CACNA2D3: variants seen among roughly 807,000 people sequenced by gnomAD.
The protein encoded by CACNA2D3 is voltage-dependent calcium channel subunit alpha-2/delta-3.
A neutral mutation model predicts 160.6 loss-of-function variants in CACNA2D3; 60 were observed. The observed-to-expected ratio is 0.37, with a 90% confidence interval of 0.30 to 0.46. The LOEUF (loss-of-function observed/expected upper bound fraction) is 0.46, where lower values mean the gene tolerates loss of function less well. Among genes scored for constraint, CACNA2D3 ranks in the 20% least tolerant of loss-of-function variants. The pLI is 1.00. For missense variants in CACNA2D3, 1,205 were observed against 1,365.0 expected (o/e 0.88, Z 1.85); for synonymous variants, 558 against 492.9 (o/e 1.13, Z -1.75).
At chr3:54,210,975 T>A (rs2107362325) in intron 2 of CACNA2D3, among the ~76,000 whole-genome samples, 1 of 152,326 alleles carries the variant, frequency 6.6e-6, no homozygotes, top group Non-Finnish European at 1.5e-5. Context: ...ATTGTTTAAC[T>A]TTTAAAAGAG....
chr3:54,722,854 G>T (rs1200513325), intron 11 of CACNA2D3, among the ~76,000 whole-genome samples: 1 of 152,174 alleles, frequency 6.6e-6, no homozygotes, highest in African/African-American at 2.4e-5. Context: ...GTGTCTCCCA[G>T]TCAGGATACA....
At chr3:54,919,901 A>G (rs975615905) in intron 27 of CACNA2D3, among the ~76,000 whole-genome samples, 1 of 152,290 alleles carries the variant, frequency 6.6e-6, no homozygotes. Flanking sequence ...TTTTTCCACT[A>G]CACTCGCTGC....
intron 35 of CACNA2D3, among the ~76,000 whole-genome samples, chr3:55,062,304 G>A (rs1704532463): frequency 6.9e-6 from 1 of 145,016 alleles, no homozygotes; most frequent in South Asian, 2.1e-4. Context: ...TTGACATACA[G>A]CCTCACTATA....
chr3:54,138,220 A>C (rs560456109), intron 2 of CACNA2D3, among the ~76,000 whole-genome samples: 8 of 152,226 alleles, frequency 5.3e-5, no homozygotes, highest in Non-Finnish European at 1.2e-4. Context: ...CTGCATTTGC[A>C]TTTGCCTCTT....
At chr3:55,038,791 G>A (rs1036277264) in intron 35 of CACNA2D3, among the ~76,000 whole-genome samples, 13 of 148,608 alleles carry the variant, frequency 8.7e-5, no homozygotes, top group South Asian at 4.3e-4. Context: ...AAAGTCAGTC[G>A]TGGTTCTTGA....
intron 2 of CACNA2D3, among the ~76,000 whole-genome samples, chr3:54,265,715 T>TACAC (rs1425324066): frequency 2.0e-5 from 3 of 150,606 alleles, no homozygotes; most frequent in Non-Finnish European, 4.4e-5. Context: ...TGTGTTTATA[T>TACAC]ACGCACACAC....
intron 4 of CACNA2D3, among the ~76,000 whole-genome samples, chr3:54,479,008 G>C (rs182440722): frequency 6.6e-6 from 1 of 151,944 alleles, no homozygotes; most frequent in East Asian, 1.9e-4. Flanking sequence ...ATCTCACCTT[G>C]AATTGTAGTT....
chr3:54,634,090 C>G (rs980660560), intron 10 of CACNA2D3, among the ~76,000 whole-genome samples: 1 of 152,204 alleles, frequency 6.6e-6, no homozygotes, highest in African/African-American at 2.4e-5. Context: ...CATCAGATGT[C>G]TAAGTGCCTG....
chr3:54,143,740 C>T (rs1339949527), intron 2 of CACNA2D3, among the ~76,000 whole-genome samples: 2 of 152,148 alleles, frequency 1.3e-5, no homozygotes, highest in Non-Finnish European at 2.9e-5. Context: ...ATCTTGTGAT[C>T]CACCTGCCTC....
At chr3:54,557,599 T>C (rs1042577753) in intron 5 of CACNA2D3, among the ~76,000 whole-genome samples, 1 of 152,246 alleles carries the variant, frequency 6.6e-6, no homozygotes, top group African/African-American at 2.4e-5. Flanking sequence ...AAGGTTTTTA[T>C]GACGCCGACA....
chr3:54,655,257 G>T (rs1230653265), intron 11 of CACNA2D3, among the ~76,000 whole-genome samples: 1 of 152,200 alleles, frequency 6.6e-6, no homozygotes. Context: ...AAAGGGTAGT[G>T]TCTGGATGCT....
intron 18 of CACNA2D3, among the ~76,000 whole-genome samples, chr3:54,877,348 A>G (rs1032780931): frequency 5.3e-5 from 8 of 152,186 alleles, no homozygotes; most frequent in African/African-American, 1.9e-4. Flanking sequence ...GAGGATGACG[A>G]TGATACAGAT....
At chr3:54,434,035 C>A (rs7638648) in intron 4 of CACNA2D3, among the ~76,000 whole-genome samples, 151,277 of 152,316 alleles carry the variant, frequency 0.99, 75,133 homozygotes, top group East Asian at 1. Flanking sequence ...AGCAGCGCTC[C>A]GGTTCTCCCA....
chr3:54,849,525 G>A (rs986862535), intron 17 of CACNA2D3, among the ~76,000 whole-genome samples: 2 of 152,122 alleles, frequency 1.3e-5, no homozygotes, highest in African/African-American at 4.8e-5. Context: ...AACTTACCTT[G>A]GAAATCCAGT....
intron 2 of CACNA2D3, among the ~76,000 whole-genome samples, chr3:54,131,694 T>C (rs538534595): frequency 2.5e-4 from 38 of 152,342 alleles, no homozygotes; most frequent in Non-Finnish European, 4.6e-4. Context: ...GTGTATGTTA[T>C]GCACATTTAG....
chr3:54,469,418 A>ATG (rs1559490576), intron 4 of CACNA2D3, among the ~76,000 whole-genome samples: 4 of 152,160 alleles, frequency 2.6e-5, no homozygotes, highest in African/African-American at 9.6e-5. Flanking sequence ...CCTCATCCGA[A>ATG]TGTCTGTCAC....
At chr3:54,347,643 T>G (rs1023925813) in intron 3 of CACNA2D3, among the ~76,000 whole-genome samples, 2 of 151,848 alleles carry the variant, frequency 1.3e-5, no homozygotes, top group East Asian at 3.9e-4. Context: ...AAATAACTTA[T>G]GTTGGTTGAC....
chr3:54,732,074 C>T lies in CACNA2D3; in HGVS notation c.1168-20525C>T, dbSNP rs1223858307. ...CTGTTTTTTAAATCTCATTTGTTGCCGTTTTTCTCTTACAGGGAGAGGAAG... is the reference window on the plus strand; with the variant it reads ...CTGTTTTTTAAATCTCATTTGTTGCTGTTTTTCTCTTACAGGGAGAGGAAG... On this transcript the variant is annotated intron_variant, in intron 11 of 37. Transcript: ENST00000474759. Among the ~76,000 whole-genome samples, 4 of 152,172 alleles carry T rather than the reference C, an allele frequency of 2.6e-5. No individual in the cohort carries two copies. The South Asian group carries it at 6.2e-4, about 24-fold the overall frequency.
chr3:54,518,055 G>A (rs1197076738), intron 5 of CACNA2D3, among the ~76,000 whole-genome samples: 1 of 152,116 alleles, frequency 6.6e-6, no homozygotes, highest in Non-Finnish European at 1.5e-5. Context: ...CATAAGTATC[G>A]TGAATGGAAT....
Sources: gnomAD v4.1 joint callset for allele counts (sites outside exome capture counted in the v4.1 genomes callset) on GRCh38, gnomAD v4.1.1 for gene constraint, MANE v1.5 for transcripts, NCBI Gene and HGNC (gene_info 2026-07-23, HGNC 2026-07-21) for gene names.